The following ADGRV1 variants were observed in gnomAD, a reference collection of about 807,000 sequenced individuals.
The protein encoded by ADGRV1 is G-protein coupled receptor 98.
In ADGRV1, 359 loss-of-function variants were observed where a neutral mutation model predicts 596.2. The ratio of observed to expected loss-of-function variants is 0.60; its 90% confidence interval spans 0.55 to 0.66. The LOEUF (loss-of-function observed/expected upper bound fraction) is 0.66. Among genes scored for constraint, ADGRV1 ranks in the 30% least tolerant of loss-of-function variants. The probability of loss-of-function intolerance (pLI) is 0.00; values close to 1 mark genes in which losing one functional copy is unlikely to be tolerated. For synonymous variants in ADGRV1, 2,681 were observed against 2,679.2 expected (o/e 1.00, Z -0.02); for missense variants, 7,274 against 7,575.6 (o/e 0.96, Z 1.48).
At chr5:91,080,074 G>A (rs1392860663) in intron 86 of ADGRV1, among the ~76,000 whole-genome samples, 5 of 151,928 alleles carry the variant, frequency 3.3e-5, no homozygotes, top group South Asian at 2.1e-4. Context: ...CATAATATCT[G>A]TACATATTTA....
chr5:90,937,115 AATATATATTC>A (rs982722431), intron 83 of ADGRV1, among the ~76,000 whole-genome samples: 4 of 152,124 alleles, frequency 2.6e-5, no homozygotes, highest in Non-Finnish European at 4.4e-5. Flanking sequence ...GTTTCATTAC[AATATATATTC>A]ATCTAGGTTT....
At chr5:90,561,842 T>A (rs1302669239) in intron 1 of ADGRV1, among the ~76,000 whole-genome samples, 1 of 152,174 alleles carries the variant, frequency 6.6e-6, no homozygotes, top group East Asian at 1.9e-4. Context: ...ATGGAGAGAT[T>A]TGGATGTGTA....
chr5:90,594,073 TAAA>T (rs1307256821), intron 1 of ADGRV1, among the ~76,000 whole-genome samples: 2 of 152,112 alleles, frequency 1.3e-5, no homozygotes, highest in Non-Finnish European at 2.9e-5. Flanking sequence ...CTTCTTGAAA[TAAA>T]AAAGTATAGA....
intron 84 of ADGRV1, among the ~76,000 whole-genome samples, chr5:90,968,237 G>C (rs1256798189): frequency 1.3e-5 from 2 of 152,188 alleles, no homozygotes; most frequent in Non-Finnish European, 2.9e-5. Flanking sequence ...AGTGTTCATA[G>C]CAATAAAACT....
chr5:91,148,667 C>A (rs1795761071), intron 87 of ADGRV1, among the ~76,000 whole-genome samples: 1 of 152,162 alleles, frequency 6.6e-6, no homozygotes, highest in Non-Finnish European at 1.5e-5. Flanking sequence ...ACAGAGTCCC[C>A]ACTGGGGCAC....
At chr5:90,928,051 G>A (rs1283616147) in intron 83 of ADGRV1, among the ~76,000 whole-genome samples, 3 of 152,014 alleles carry the variant, frequency 2.0e-5, no homozygotes, top group Non-Finnish European at 4.4e-5. Context: ...CTTTCTCTCT[G>A]GCTGCCCTTA....
At chr5:91,037,105 G>A (rs753243438) in intron 85 of ADGRV1, among the ~76,000 whole-genome samples, 1 of 152,094 alleles carries the variant, frequency 6.6e-6, no homozygotes, top group African/African-American at 2.4e-5. Context: ...AGTTCTCCTT[G>A]CCCCAAAGAC....
At chr5:90,904,849 T>C (rs1772170480) in intron 83 of ADGRV1, among the ~76,000 whole-genome samples, 2 of 152,086 alleles carry the variant, frequency 1.3e-5, no homozygotes, top group South Asian at 4.1e-4. Flanking sequence ...TGTTATCTTG[T>C]CAGAACTTCA....
At chr5:90,695,481 T>C (rs558310596) in intron 33 of ADGRV1, among the ~76,000 whole-genome samples, 1 of 151,464 alleles carries the variant, frequency 6.6e-6, no homozygotes, top group Non-Finnish European at 1.5e-5. Context: ...CACAAAATTT[T>C]AAAAAACATA....
chr5:90,940,437 C>G (rs1481756449), intron 83 of ADGRV1, among the ~76,000 whole-genome samples: 1 of 152,190 alleles, frequency 6.6e-6, no homozygotes, highest in African/African-American at 2.4e-5. Flanking sequence ...TTATTCCATA[C>G]TTGGCCATTG....
chr5:91,153,431 A>G, intron 89 of ADGRV1, 33 bp downstream of exon 89: 1 of 1,456,498 alleles, frequency 6.9e-7, no homozygotes, highest in Non-Finnish European at 9.3e-7. Context: ...CATTAGAAGT[A>G]GGCACTCTTG....
At chr5:90,618,781 A>G (rs914274364) in intron 3 of ADGRV1, among the ~76,000 whole-genome samples, 4 of 151,966 alleles carry the variant, frequency 2.6e-5, no homozygotes, top group Non-Finnish European at 5.9e-5. Flanking sequence ...TATTAGTGAT[A>G]ACATAGTAAT....
chr5:90,969,984 G>A (rs1194894228), intron 84 of ADGRV1, among the ~76,000 whole-genome samples: 1 of 152,234 alleles, frequency 6.6e-6, no homozygotes, highest in Non-Finnish European at 1.5e-5. Context: ...GCCAAGGGAA[G>A]GGGTGACGGA....
rs548637408 is a variant in ADGRV1, at chr5:90,880,170, TA to T, written c.17856+16316del. On this transcript the variant is annotated intron_variant, in intron 83 of 89. Coordinates refer to ENST00000405460, the MANE Select transcript of ADGRV1 (RefSeq NM_032119.4). ...ATTGCCATCCTCATTTTATACTAAA[TA>T]AACTTAAATCTGCTCATGATCCCAT... Among the ~76,000 whole-genome samples the T allele has an allele frequency of 2.4e-4, 37 of 152,278 alleles. No homozygotes were observed. In the East Asian group the frequency reaches 7.1e-3, roughly 29 times the overall value.
chr5:91,118,743 G>A (rs903870877), intron 87 of ADGRV1, among the ~76,000 whole-genome samples: 3 of 151,982 alleles, frequency 2.0e-5, no homozygotes, highest in South Asian at 2.1e-4. Context: ...TGAATTCCTC[G>A]AGCACTTTTT....
chr5:91,097,790 C>T (rs748372329), intron 86 of ADGRV1, among the ~76,000 whole-genome samples: 6 of 151,990 alleles, frequency 3.9e-5, no homozygotes, highest in Non-Finnish European at 7.4e-5. Context: ...AATGGTATCA[C>T]GGTGGTTTTG....
At chr5:90,656,662 C>T (rs7731348) in intron 20 of ADGRV1, among the ~76,000 whole-genome samples, 1,898 of 152,248 alleles carry the variant, frequency 0.012, 36 homozygotes, top group African/African-American at 0.044. Context: ...ATGCCAGATA[C>T]TTGTGACTAC....
At position 90,810,791 on chromosome 5, in the gene ADGRV1, CA is replaced by C; in HGVS notation, c.15532del (p.Ile5178LeufsTer33). ...TTCTGCAGCCAACCAACGTGGTTGC[CA>C]TTGTTACTGAGGCAACTGGTGTATC... The part of the protein sequence containing the change: ...TILQPTNVVA[I>X]VTEATGVSAI... On this transcript the variant is annotated frameshift_variant, in exon 74 of 90. Transcript: ENST00000405460. LOFTEE classifies it high-confidence loss of function. 1 of 1,613,950 alleles carries C rather than the reference CA, an allele frequency of 6.2e-7. No individual in the cohort carries two copies. Among genetic ancestry groups the C allele is most frequent in the Non-Finnish European group, 8.5e-7 (1 of 1,179,864 alleles).
intron 86 of ADGRV1, among the ~76,000 whole-genome samples, chr5:91,074,017 T>C (rs1186962261): frequency 6.6e-6 from 1 of 152,256 alleles, no homozygotes; most frequent in Non-Finnish European, 1.5e-5. Context: ...TGTTTAAGGT[T>C]AATTAATTAA....
Sources: gnomAD v4.1 joint callset for allele counts (sites outside exome capture counted in the v4.1 genomes callset) on GRCh38, gnomAD v4.1.1 for gene constraint, MANE v1.5 for transcripts, NCBI Gene and HGNC (gene_info 2026-07-23, HGNC 2026-07-21) for gene names.